Variants in ATXN8OS observed in about 807,000 individuals in gnomAD.
The protein encoded by ATXN8OS is ATXN8 opposite strand lncRNA, also known as ATXN8 opposite strand (non-protein coding).
intron 1 of ATXN8OS, among the ~76,000 whole-genome samples, chr13:70,111,419 T>A (rs371438622): frequency 5.6e-4 from 85 of 152,190 alleles, no homozygotes; most frequent in African/African-American, 2.0e-3. Context: ...CTCTGCAGAG[T>A]CCTGGAGCTG....
intron 4 of ATXN8OS, among the ~76,000 whole-genome samples, chr13:70,161,128 G>A (rs1170689516): frequency 6.6e-6 from 1 of 150,570 alleles, no homozygotes; most frequent in Admixed American, 6.6e-5. Flanking sequence ...AATACTGCAA[G>A]ATTTAAATTT....
At chr13:70,149,982 G>A (rs1475020893) in intron 4 of ATXN8OS, among the ~76,000 whole-genome samples, 1 of 152,088 alleles carries the variant, frequency 6.6e-6, no homozygotes, top group Non-Finnish European at 1.5e-5. Context: ...CAGAATTCCT[G>A]AACTAGACAG....
Position 70,125,172 on chromosome 13 carries a change from T to C in ATXN8OS, n.399-4612T>C, listed in dbSNP as rs546698280. Among the ~76,000 whole-genome samples the C allele has an allele frequency of 3.3e-5, 5 of 152,308 alleles. No individual in the cohort carries two copies. In the South Asian group the frequency reaches 1.0e-3, roughly 32 times the overall value. On this transcript the variant is annotated intron_variant and non_coding_transcript_variant, in intron 2 of 4. Coordinates refer to ENST00000678624, the Ensembl canonical transcript of ATXN8OS. The stretch of plus-strand genomic sequence containing the variant: ...AATCTTTTCTGTAACTCATTATCTT[T>C]GTATCCTCTGCTATTTCTCAATATA...
At chr13:70,162,153 A>C (rs1167128660) in intron 4 of ATXN8OS, among the ~76,000 whole-genome samples, 1 of 152,072 alleles carries the variant, frequency 6.6e-6, no homozygotes, top group African/African-American at 2.4e-5. Flanking sequence ...ATAACCTCTA[A>C]TAAGTACATA....
At position 70,162,375 on chromosome 13, in the gene ATXN8OS, T is replaced by A. The variant is rs368577141; in HGVS notation, n.574-7378T>A. Among the ~76,000 whole-genome samples, 361 of 152,188 alleles carry A rather than the reference T, an allele frequency of 2.4e-3. 1 individual carries two copies. Among genetic ancestry groups the A allele is most frequent in the African/African-American group, 8.5e-3 (352 of 41,564 alleles). On this transcript the variant is annotated intron_variant and non_coding_transcript_variant, in intron 4 of 4. Transcript: ENST00000678624. ...TTTAGAGGAAGCTGAACAAACCCCC[T>A]AGAGGGATACAGGCAGCCTGAACCA...
intron 2 of ATXN8OS, among the ~76,000 whole-genome samples, chr13:70,118,994 A>T (rs943064094): frequency 1.3e-5 from 2 of 152,112 alleles, no homozygotes; most frequent in African/African-American, 4.8e-5. Context: ...AGCTAATTGA[A>T]ACCACTGAAT....
intron 2 of ATXN8OS, among the ~76,000 whole-genome samples, chr13:70,118,725 T>C (rs1401733325): frequency 1.3e-5 from 2 of 152,150 alleles, no homozygotes; most frequent in Admixed American, 6.6e-5. Context: ...AAATTTCCTC[T>C]GATTTTGTAG....
intron 4 of ATXN8OS, among the ~76,000 whole-genome samples, chr13:70,149,198 C>T (rs542745103): frequency 7.9e-5 from 12 of 152,092 alleles, no homozygotes; most frequent in Admixed American, 2.0e-4. Flanking sequence ...TATTGAAGAA[C>T]GAGAACGACT....
At chr13:70,154,326 C>G (rs1488960447) in intron 4 of ATXN8OS, among the ~76,000 whole-genome samples, 1 of 152,152 alleles carries the variant, frequency 6.6e-6, no homozygotes, top group African/African-American at 2.4e-5. Flanking sequence ...GTTAACATTT[C>G]TACCCAATTC....
intron 2 of ATXN8OS, among the ~76,000 whole-genome samples, chr13:70,121,184 G>C (rs571028555): frequency 2.5e-4 from 38 of 152,002 alleles, no homozygotes; most frequent in Admixed American, 5.3e-4. Flanking sequence ...ATAAATAAAT[G>C]GAATCTGAAA....
chr13:70,127,663 C>T (rs1289083367), intron 2 of ATXN8OS, among the ~76,000 whole-genome samples: 1 of 114,286 alleles, frequency 8.7e-6, no homozygotes, highest in East Asian at 3.2e-4. Flanking sequence ...CATATGAAAA[C>T]AAACATTTTT....
chr13:70,108,276 T>C (rs1306856567), intron 1 of ATXN8OS: 6 of 373,260 alleles, frequency 1.6e-5, no homozygotes, highest in African/African-American at 1.0e-4. Flanking sequence ...CCCTGGCCTT[T>C]TCGAGGATGC....
chr13:70,130,789 G>A (rs770626350), intron 3 of ATXN8OS: 4 of 398,266 alleles, frequency 1.0e-5, no homozygotes, highest in East Asian at 3.6e-5. Flanking sequence ...ACTTCACCTC[G>A]GAGTACCTGC....
exon 3 of ATXN8OS, chr13:70,129,797 C>T: frequency 2.5e-6 from 1 of 398,334 alleles, no homozygotes; most frequent in Non-Finnish European, 4.4e-6. Context: ...TGGCAACCAC[C>T]CCATCAATGA....
At chr13:70,111,388 G>A (rs1888196941) in intron 1 of ATXN8OS, among the ~76,000 whole-genome samples, 1 of 152,178 alleles carries the variant, frequency 6.6e-6, no homozygotes, top group Admixed American at 6.5e-5. Flanking sequence ...TCTGGTGAAG[G>A]TCTTCTTCCT....
chr13:70,110,127 G>T (rs2137466464), intron 1 of ATXN8OS, among the ~76,000 whole-genome samples: 1 of 152,138 alleles, frequency 6.6e-6, no homozygotes, highest in South Asian at 2.1e-4. Context: ...ACCCAAAGGA[G>T]ATATAACATT....
chr13:70,127,671 T>G (rs1888460015), intron 2 of ATXN8OS, among the ~76,000 whole-genome samples: 1 of 151,582 alleles, frequency 6.6e-6, no homozygotes, highest in African/African-American at 2.4e-5. Context: ...AACAAACATT[T>G]TTTTTTTTCT....
At chr13:70,124,716 T>A (rs1593760450) in intron 2 of ATXN8OS, among the ~76,000 whole-genome samples, 1 of 152,178 alleles carries the variant, frequency 6.6e-6, no homozygotes, top group East Asian at 1.9e-4. Context: ...AATCTGGTTT[T>A]CCCCAAGCCT....
intron 2 of ATXN8OS, among the ~76,000 whole-genome samples, chr13:70,122,066 C>T (rs1360009): frequency 0.37 from 56,687 of 151,732 alleles, 10,933 homozygotes; most frequent in African/African-American, 0.46. Flanking sequence ...ATCCTGAAAG[C>T]ACCATACCAC....
Sources: allele counts gnomAD v4.1 joint callset (sites outside exome capture counted in the v4.1 genomes callset), GRCh38; gene constraint gnomAD v4.1.1; transcripts MANE v1.5; gene names NCBI Gene and HGNC (gene_info 2026-07-23, HGNC 2026-07-21).